The following ZDBF2 variants were observed in gnomAD, a reference collection of about 807,000 sequenced individuals.
ZDBF2 encodes DBF4-type zinc finger-containing protein 2.
In ZDBF2, 6 loss-of-function variants were observed where a neutral mutation model predicts 9.4. That is an observed-to-expected ratio of 0.64 (90% confidence interval 0.35 to 1.27). ZDBF2 has a LOEUF of 1.27. Among genes scored for constraint, ZDBF2 ranks in the 50% most tolerant of loss-of-function variants. The pLI, the probability that ZDBF2 is intolerant of heterozygous loss-of-function variation, is 0.03. For synonymous variants in ZDBF2, 905 were observed against 946.3 expected, an observed-to-expected ratio of 0.96 and a Z score of 0.80; for missense variants, 2,697 against 2,766.8, an observed-to-expected ratio of 0.97 and a Z score of 0.57.
At chr2:206,288,725 G>A (rs1441410791) in intron 3 of ZDBF2, among the ~76,000 whole-genome samples, 1 of 152,104 alleles carries the variant, frequency 6.6e-6, no homozygotes, top group Non-Finnish European at 1.5e-5. Flanking sequence ...TGGGGCCCAG[G>A]GCATCAGGTC....
intron 3 of ZDBF2, among the ~76,000 whole-genome samples, chr2:206,282,256 T>G (rs770771704): frequency 2.0e-5 from 3 of 152,162 alleles, no homozygotes; most frequent in Non-Finnish European, 2.9e-5. Flanking sequence ...GATTTGGAGT[T>G]TGGGTCTCAG....
At chr2:206,296,865 G>A (rs933441303) in intron 3 of ZDBF2, among the ~76,000 whole-genome samples, 5 of 151,916 alleles carry the variant, frequency 3.3e-5, no homozygotes, top group African/African-American at 1.2e-4. Context: ...AATATGTAAC[G>A]TTTCCCATGT....
chr2:206,294,669 C>T (rs1692076570), intron 3 of ZDBF2, among the ~76,000 whole-genome samples: 3 of 152,104 alleles, frequency 2.0e-5, no homozygotes, highest in Non-Finnish European at 4.4e-5. Context: ...CCAGTGTCTC[C>T]CAGTGCCTTT....
chr2:206,310,759 C>T lies in ZDBF2; in HGVS notation c.6231C>T (p.Asn2077=), dbSNP rs769770942. ...SVIVPEFERR[N]WVKIHFNRSN... is the part of the protein sequence containing the mutation. ...TAGTACCAGAGTTTGAGAGGCGTAA[C>T]TGGGTTAAAATTCATTTTAATAGGA... The change falls in exon 5 of 5, where the codon AAC becomes AAT. Residue 2077 remains asparagine (N), a synonymous_variant. Transcript: ENST00000374423. 1.2e-6 allele frequency: 2 copies of T among 1,613,926 alleles called. No individual in the cohort carries two copies. The highest frequency in any genetic ancestry group is 1.3e-5 in the African/African-American group (1 of 75,024).
Position 206,309,353 on chromosome 2 carries a change from G to T in ZDBF2, c.4825G>T (p.Asp1609Tyr), listed in dbSNP as rs749976543. Reference protein sequence around the residue: ...ETFKIINRKKDYIILGEPSCQ... With the variant: ...ETFKIINRKKYYIILGEPSCQ... ...TTTCAAAATAATAAACCGGAAGAAG[G>T]ACTATATTATTCTGGGAGAGCCAAG... The change falls in exon 5 of 5, where the codon GAC becomes TAC. Residue 1609 changes from aspartate (D) to tyrosine (Y), a missense_variant. Asp to Tyr is a radical substitution (Grantham distance 160, BLOSUM62 -3). This residue lies in a region of ZDBF2 where 1,783 missense variants were observed against 1,776.5 expected (regional missense o/e 1.00). Transcript: ENST00000374423. 1 of 1,613,230 alleles carries T rather than the reference G, an allele frequency of 6.2e-7. No individual in the cohort carries two copies. The highest frequency in any genetic ancestry group is 1.1e-5 in the South Asian group (1 of 90,958).
At chr2:206,294,112 G>A (rs952647958) in intron 3 of ZDBF2, among the ~76,000 whole-genome samples, 1 of 152,092 alleles carries the variant, frequency 6.6e-6, no homozygotes, top group African/African-American at 2.4e-5. Context: ...ATAATATTGA[G>A]TAAAATAAGC....
At chr2:206,297,496 G>C (rs1462285706) in intron 4 of ZDBF2, 123 bp downstream of exon 4, 2 of 987,070 alleles carry the variant, frequency 2.0e-6, no homozygotes, top group East Asian at 2.7e-5. Flanking sequence ...TAAAATTTTA[G>C]TAACTTTCAT....
At chr2:206,286,562 TA>T (rs74627955) in intron 3 of ZDBF2, among the ~76,000 whole-genome samples, 1,895 of 145,680 alleles carry the variant, frequency 0.013, 34 homozygotes, top group African/African-American at 0.04. Flanking sequence ...ATATGTGTCT[TA>T]AAAAAAAAAA....
At position 206,311,197 on chromosome 2, in the gene ZDBF2, TAGAA is replaced by T. The variant is rs755977459; in HGVS notation, c.6672_6675del (p.Arg2224SerfsTer25). 3.1e-6 allele frequency: 5 copies of T among 1,612,646 alleles called. No individual in the cohort carries two copies. The highest frequency in any genetic ancestry group is 4.2e-6 in the Non-Finnish European group (5 of 1,179,546). On this transcript the variant is annotated frameshift_variant, in exon 5 of 5. Transcript: ENST00000374423. LOFTEE classifies it low-confidence loss of function (END_TRUNC). ...TTCGGACCAAACCAAGTGATATCAT[TAGAA>T]AGTATATTTCGAAATACTCTGTCTT...
At position 206,308,404 on chromosome 2, in the gene ZDBF2, C is replaced by T. The variant is rs771162513; in HGVS notation, c.3876C>T (p.Pro1292=). ...GAATAAATTTTGATTCTCATGAACC[C>T]CTTCAGTCCGTAACTAATAAAATTC... The part of the protein sequence containing the change: ...DSRINFDSHE[P]LQSVTNKIPG... Residue 1292 remains proline (P), a synonymous_variant, in exon 5 of 5, where the codon CCC becomes CCT. Coordinates refer to ENST00000374423, the MANE Select transcript of ZDBF2 (RefSeq NM_020923.3). 10 of 1,613,114 alleles carry T rather than the reference C, an allele frequency of 6.2e-6. No individual in the cohort carries two copies. The highest frequency in any genetic ancestry group is 1.7e-5 in the Admixed American group (1 of 59,856).
chr2:206,308,356 G>C lies in ZDBF2; in HGVS notation c.3828G>C (p.Lys1276Asn). 2 of 1,612,970 alleles carry C rather than the reference G, an allele frequency of 1.2e-6. No homozygotes were observed. Among genetic ancestry groups the C allele is most frequent in the Non-Finnish European group, 1.7e-6 (2 of 1,179,632 alleles). ...LWKEHVDLEN[K>N]IVKPTDSRIN... ...AAGAGCATGTTGACTTGGAAAATAAGATTGTCAAACCTACAGATTCCAGAA... is the reference window on the plus strand; with the variant it reads ...AAGAGCATGTTGACTTGGAAAATAACATTGTCAAACCTACAGATTCCAGAA... Residue 1276 changes from lysine to asparagine, a missense_variant, in exon 5 of 5, where the codon AAG becomes AAC. This residue lies in a region of ZDBF2 where 1,783 missense variants were observed against 1,776.5 expected (regional missense o/e 1.00). Transcript: ENST00000374423.
intron 3 of ZDBF2, among the ~76,000 whole-genome samples, chr2:206,288,787 A>G (rs4673349): frequency 0.5 from 76,246 of 151,834 alleles, 20,323 homozygotes; most frequent in Non-Finnish European, 0.6. Flanking sequence ...ACCTGACTCC[A>G]GGGAAAAATA....
Position 206,308,379 on chromosome 2 carries a change from G to A in ZDBF2, c.3851G>A (p.Arg1284Lys). Residue 1284 changes from arginine to lysine, a missense_variant, in exon 5 of 5, where the codon AGA (arginine) becomes AAA (lysine). This residue lies in a region of ZDBF2 where 1,783 missense variants were observed against 1,776.5 expected (regional missense o/e 1.00). Transcript: ENST00000374423. ...ENKIVKPTDS[R>K]INFDSHEPLQ... ...AAGATTGTCAAACCTACAGATTCCA[G>A]AATAAATTTTGATTCTCATGAACCC... 6.2e-7 allele frequency: 1 copy of A among 1,612,662 alleles called. No homozygotes were observed. The highest frequency in any genetic ancestry group is 8.5e-7 in the Non-Finnish European group (1 of 1,179,582).
intron 3 of ZDBF2, among the ~76,000 whole-genome samples, chr2:206,294,512 C>T (rs35686239): frequency 0.39 from 59,263 of 151,908 alleles, 12,134 homozygotes; most frequent in Admixed American, 0.46. Flanking sequence ...ATTTTAGATT[C>T]GGGGGGACAC....
At chr2:206,278,978 T>C (rs370452993) in intron 1 of ZDBF2, among the ~76,000 whole-genome samples, 3 of 152,196 alleles carry the variant, frequency 2.0e-5, no homozygotes, top group Non-Finnish European at 2.9e-5. Context: ...AGTTATTCTT[T>C]GATTATACCG....
intron 3 of ZDBF2, among the ~76,000 whole-genome samples, chr2:206,295,509 G>A (rs1242936555): frequency 3.3e-5 from 5 of 151,624 alleles, no homozygotes; most frequent in South Asian, 4.2e-4. Flanking sequence ...GACTACAGGC[G>A]CGCAGCACCA....
At chr2:206,283,212 C>T (rs531778685) in intron 3 of ZDBF2, among the ~76,000 whole-genome samples, 5 of 152,240 alleles carry the variant, frequency 3.3e-5, no homozygotes, top group African/African-American at 1.2e-4. Flanking sequence ...TATGCTTTCA[C>T]TTTTCTTAGG....
rs758648589 is a variant in ZDBF2, at chr2:206,310,604, C to T, written c.6076C>T (p.Pro2026Ser). 1.9e-6 allele frequency: 3 copies of T among 1,610,120 alleles called. No homozygotes were observed. In the African/African-American group the frequency reaches 4.0e-5, roughly 22 times the overall value. ...NIKLKEGEGL[P>S]FPKMRHHSWD... ...TAAACTGAAAGAGGGTGAAGGCCTT[C>T]CTTTCCCTAAAATGAGGCACCATAG... is the stretch of plus-strand genomic sequence containing the variant. Residue 2026 changes from proline to serine, a missense_variant, in exon 5 of 5, where the codon CCT (proline) becomes TCT (serine). By Grantham distance (74) the Pro-to-Ser change is moderately conservative (BLOSUM62 -1). Around this residue, in one of 3 missense-constraint regions of ZDBF2, gnomAD observed 1,783 missense variants for 1,776.5 expected, o/e 1.00. Transcript: ENST00000374423.
chr2:206,308,233 A>C lies in ZDBF2; in HGVS notation c.3705A>C (p.Arg1235Ser). The change falls in exon 5 of 5, where the codon AGA becomes AGC. Residue 1235 changes from arginine to serine, a missense_variant. Physicochemically the swap from Arg to Ser is moderately radical, Grantham distance 110. Coordinates refer to ENST00000374423, the MANE Select transcript of ZDBF2 (RefSeq NM_020923.3). ...KDEEVDTEDR[R>S]NEAKGFEIMY... ...AAGAAGTTGACACGGAAGATAGGAG[A>C]AATGAAGCTAAGGGTTTTGAAATTA... 6.2e-7 allele frequency: 1 copy of C among 1,613,856 alleles called. No individual in the cohort carries two copies. Among genetic ancestry groups the C allele is most frequent in the East Asian group, 2.2e-5 (1 of 44,876 alleles).
Sources: allele counts gnomAD v4.1 joint callset (sites outside exome capture counted in the v4.1 genomes callset), GRCh38; gene constraint gnomAD v4.1.1; regional missense constraint gnomAD v4.1.1; transcripts MANE v1.5; gene names NCBI Gene and HGNC (gene_info 2026-07-23, HGNC 2026-07-21).